CELF5: variants seen among roughly 807,000 people sequenced by gnomAD.
CELF5 encodes CUGBP Elav-like family member 5.
A neutral mutation model predicts 54.9 loss-of-function variants in CELF5; 6 were observed. The ratio of observed to expected loss-of-function variants is 0.11; its 90% CI spans 0.06 to 0.22. The LOEUF (loss-of-function observed/expected upper bound fraction) is 0.22. Among genes scored for constraint, CELF5 ranks in the 10% least tolerant of loss-of-function variants. The pLI is 1.00. For synonymous variants in CELF5, 271 were observed against 290.9 expected (o/e 0.93, Z 0.70); for missense variants, 401 against 678.6 (o/e 0.59, Z 4.54).
chr19:3,286,469 A>G (rs2080249894), intron 10 of CELF5: 2 of 163,770 alleles, frequency 1.2e-5, no homozygotes, highest in Admixed American at 6.4e-5. Context: ...TGTGCGGTAG[A>G]TCCCGCCTGT....
chr19:3,273,811 C>G lies in CELF5; in HGVS notation c.343-61C>G. 3 of 1,190,876 alleles carry G rather than the reference C, an allele frequency of 2.5e-6. 1 individual carries two copies. Among genetic ancestry groups the G allele is most frequent in the East Asian group, 2.4e-5 (1 of 42,490 alleles). 73.8% of individuals were successfully genotyped at this position (1,190,876 alleles called of 1,614,324 possible). On this transcript the variant is annotated intron_variant, in intron 2 of 12. Transcript: ENST00000292672. ...GCTGGCCTGCAGAGCTCAGGCAAAA[C>G]CCCCCGCCTGCCACACCCCCACTGC...
chr19:3,266,732 T>C (rs1477004415), intron 2 of CELF5, among the ~76,000 whole-genome samples: 1 of 152,196 alleles, frequency 6.6e-6, no homozygotes, highest in Non-Finnish European at 1.5e-5. Context: ...TGCCACCTTT[T>C]CCCAGGAATG....
rs2080466097 is a variant in CELF5, at chr19:3,297,008, G to A, written c.*291G>A. The stretch of plus-strand genomic sequence containing the variant: ...CTTAATGTTCAAAACGCCTCTCTTT[G>A]GTCTGGAGAAAAAAAAAAAAAAAAA... On this transcript the variant is annotated 3_prime_UTR_variant, in exon 13 of 13. Transcript: ENST00000292672. 5.0e-5 allele frequency: 5 copies of A among 100,896 alleles called. No homozygotes were observed. The highest frequency in any genetic ancestry group is 3.7e-4 in the Admixed American group (3 of 8,168). The allele number at this position is 100,896 out of a possible 1,614,324, so 6.3% of individuals were successfully genotyped here.
intron 11 of CELF5, among the ~76,000 whole-genome samples, chr19:3,291,118 T>C (rs550422758): frequency 1.5e-4 from 23 of 151,022 alleles, no homozygotes; most frequent in Middle Eastern, 3.5e-3. Context: ...AAAAAAAAAT[T>C]AGCCAGGCTT....
chr19:3,269,489 C>G (rs1330586126), intron 2 of CELF5, among the ~76,000 whole-genome samples: 1 of 152,138 alleles, frequency 6.6e-6, no homozygotes, highest in Non-Finnish European at 1.5e-5. Context: ...CTCCTCTGAA[C>G]CTCTACTCTT....
intron 3 of CELF5, among the ~76,000 whole-genome samples, chr19:3,274,504 GGT>G (rs1344637294): frequency 2.0e-5 from 3 of 152,142 alleles, no homozygotes; most frequent in Non-Finnish European, 1.5e-5. Context: ...CCCGCGCATG[GGT>G]GTGTGTGTTT....
chr19:3,241,191 A>G (rs1382312722), intron 1 of CELF5, among the ~76,000 whole-genome samples: 1 of 151,336 alleles, frequency 6.6e-6, no homozygotes, highest in Admixed American at 6.6e-5. Flanking sequence ...GCTCCCAAGT[A>G]GCTGGGATTA....
At chr19:3,250,393 GC>G (rs1307095100) in intron 1 of CELF5, among the ~76,000 whole-genome samples, 2 of 152,154 alleles carry the variant, frequency 1.3e-5, no homozygotes, top group Non-Finnish European at 2.9e-5. Flanking sequence ...GGAGGCTGAG[GC>G]AGGAGAATGA....
chr19:3,244,840 C>G (rs2079541887), intron 1 of CELF5, among the ~76,000 whole-genome samples: 1 of 135,798 alleles, frequency 7.4e-6, no homozygotes, highest in Admixed American at 7.5e-5. Flanking sequence ...TGTGTGTATG[C>G]ATCTGTGCAT....
chr19:3,229,937 C>T (rs1026057651), intron 1 of CELF5, among the ~76,000 whole-genome samples: 2 of 152,098 alleles, frequency 1.3e-5, no homozygotes, highest in African/African-American at 4.8e-5. Flanking sequence ...ATGGGGCTCA[C>T]CTGTTGAGGC....
At chr19:3,245,223 G>A (rs1385332959) in intron 1 of CELF5, among the ~76,000 whole-genome samples, 1 of 149,460 alleles carries the variant, frequency 6.7e-6, no homozygotes, top group African/African-American at 2.5e-5. Flanking sequence ...GTGTGGGTGT[G>A]TGATGTGTAT....
chr19:3,245,723 T>C (rs2079557779), intron 1 of CELF5, among the ~76,000 whole-genome samples: 1 of 151,932 alleles, frequency 6.6e-6, no homozygotes, highest in Non-Finnish European at 1.5e-5. Flanking sequence ...GGGAATAAAA[T>C]TCGGAAAACA....
In CELF5 at chr19:3,251,672, TTTG is replaced by T. The variant is rs1555720291; in HGVS notation, c.342+624_342+626del. On this transcript the variant is annotated intron_variant, in intron 2 of 12. Transcript: ENST00000292672. The stretch of plus-strand genomic sequence containing the variant: ...GGCTTCTTTTTTTTTTTTTTTTTTT[TTTG>T]TTGTTGTTGTTGTTGTTGAGATGGA... Among the ~76,000 whole-genome samples the T allele has an allele frequency of 2.6e-3, 315 of 121,266 alleles. 37 individuals carry two copies. The Middle Eastern group carries it at 0.038, about 15-fold the overall frequency. The allele number at this position is 121,266 out of a possible 152,430, so 79.6% of individuals were successfully genotyped here.
intron 2 of CELF5, among the ~76,000 whole-genome samples, chr19:3,271,792 G>T (rs2079969481): frequency 6.6e-6 from 1 of 151,984 alleles, no homozygotes; most frequent in Non-Finnish European, 1.5e-5. Context: ...TGGAAGAGTG[G>T]GCACGGAGCT....
intron 10 of CELF5, 58 bp downstream of exon 10, chr19:3,286,083 C>G (rs2080243937): frequency 2.2e-6 from 3 of 1,387,620 alleles, no homozygotes; most frequent in Non-Finnish European, 1.9e-6. Flanking sequence ...GCCCTGTCCA[C>G]CTGCAGGCTC....
chr19:3,263,430 G>A (rs778698386), intron 2 of CELF5, among the ~76,000 whole-genome samples: 5 of 150,210 alleles, frequency 3.3e-5, no homozygotes, highest in Admixed American at 2.0e-4. Flanking sequence ...GCATGGTGTC[G>A]CGTGCCTGTA....
At chr19:3,287,142 G>A (rs370263959) in intron 10 of CELF5, among the ~76,000 whole-genome samples, 5 of 151,862 alleles carry the variant, frequency 3.3e-5, no homozygotes, top group East Asian at 3.9e-4. Context: ...GGAGCTGCAC[G>A]ATGGAACACT....
At chr19:3,234,641 C>T (rs1917433153) in intron 1 of CELF5, among the ~76,000 whole-genome samples, 1 of 152,084 alleles carries the variant, frequency 6.6e-6, no homozygotes, top group African/African-American at 2.4e-5. Flanking sequence ...GCAGTTGGCA[C>T]ACAGTGCAGT....
chr19:3,264,303 G>T (rs201138048), intron 2 of CELF5, among the ~76,000 whole-genome samples: 4 of 144,230 alleles, frequency 2.8e-5, no homozygotes, highest in African/African-American at 5.1e-5. Context: ...AGCACTAGGT[G>T]TTTTTTTTTT....
Sources: allele counts gnomAD v4.1 joint callset (sites outside exome capture counted in the v4.1 genomes callset), GRCh38; gene constraint gnomAD v4.1.1; transcripts MANE v1.5; gene names NCBI Gene and HGNC (gene_info 2026-07-23, HGNC 2026-07-21).